Variants in AFAP1L2 observed in about 807,000 individuals in gnomAD.
AFAP1L2 encodes the protein actin filament-associated protein 1-like 2.
Under a neutral mutation model 99.3 loss-of-function variants are expected in AFAP1L2, and 46 were observed. The observed-to-expected ratio is 0.46, with a 90% CI of 0.37 to 0.59. The LOEUF (loss-of-function observed/expected upper bound fraction) is 0.59, where lower values mean the gene tolerates loss of function less well. Ranked by LOEUF, AFAP1L2 falls within the 20% of genes least tolerant of loss-of-function variation. The probability of loss-of-function intolerance (pLI) is 0.00; values close to 1 mark genes in which losing one functional copy is unlikely to be tolerated. For synonymous variants in AFAP1L2, 397 were observed against 419.1 expected (o/e 0.95, Z 0.64); for missense variants, 959 against 1,034.9 (o/e 0.93, Z 1.01).
Position 114,331,908 on chromosome 10 carries a change from CA to C in AFAP1L2, c.221-12del. On this transcript the variant is annotated splice_polypyrimidine_tract_variant and intron_variant, in intron 3 of 18. Coordinates refer to ENST00000304129, the MANE Select transcript of AFAP1L2 (RefSeq NM_001001936.3). ...CCTGCTCCTCAGGCGCTGCGGGCAGCAAAAGGAAAAGGCTTCGGTGAGGGGT... is the reference window on the plus strand; with the variant it reads ...CCTGCTCCTCAGGCGCTGCGGGCAGCAAAGGAAAAGGCTTCGGTGAGGGGT... 1 of 1,291,408 alleles carries C rather than the reference CA, an allele frequency of 7.7e-7. No homozygotes were observed. Among genetic ancestry groups the C allele is most frequent in the Non-Finnish European group, 9.9e-7 (1 of 1,010,366 alleles). The allele number at this position is 1,291,408 out of a possible 1,614,324, so 80.0% of individuals were successfully genotyped here.
rs1040538542 is a variant in AFAP1L2 at position 114,323,095 on chromosome 10, C to T, written c.406+76G>A. 3 of 1,336,262 alleles carry T rather than the reference C, an allele frequency of 2.2e-6. No individual in the cohort carries two copies. In the African/African-American group the frequency reaches 4.4e-5, roughly 19 times the overall value. 82.8% of individuals were successfully genotyped at this position (1,336,262 alleles called of 1,614,324 possible). On this transcript the variant is annotated intron_variant, in intron 5 of 18. Coordinates refer to ENST00000304129, the MANE Select transcript of AFAP1L2 (RefSeq NM_001001936.3). ...AGCCCAGGATGAGTGTATCTGTTAC[C>T]CCCAGGTAAGTCTGCACCAACATCT... is the stretch of plus-strand genomic sequence containing the variant.
chr10:114,341,250 T>C (rs1310237964), intron 1 of AFAP1L2, among the ~76,000 whole-genome samples: 1 of 152,230 alleles, frequency 6.6e-6, no homozygotes, highest in Non-Finnish European at 1.5e-5. Flanking sequence ...GCTCTATGGT[T>C]GTAAGCCTCG....
chr10:114,289,702 A>G, the AFAP1L2 span: 2 of 596,264 alleles, frequency 3.4e-6, no homozygotes, highest in South Asian at 4.0e-5. Flanking sequence ...AAGTTTAACT[A>G]ACATAGATAA....
chr10:114,370,492 A>T (rs1278555668), intron 1 of AFAP1L2, among the ~76,000 whole-genome samples: 1 of 152,250 alleles, frequency 6.6e-6, no homozygotes, highest in Non-Finnish European at 1.5e-5. Flanking sequence ...TCCTAGGCTC[A>T]GGACAAAATG....
chr10:114,404,694 C>T (rs1239165875), upstream of AFAP1L2: 1 of 441,206 alleles, frequency 2.3e-6, no homozygotes, highest in Non-Finnish European at 3.6e-6. Flanking sequence ...CCGAGGCTGA[C>T]AGTCGGCTCT....
the AFAP1L2 span, among the ~76,000 whole-genome samples, chr10:114,285,158 GT>G: frequency 6.6e-6 from 1 of 152,218 alleles, no homozygotes; most frequent in Non-Finnish European, 1.5e-5. Flanking sequence ...GATAATTGGG[GT>G]GGCTGAGCTC....
chr10:114,394,451 T>A (rs1039823731), intron 1 of AFAP1L2, among the ~76,000 whole-genome samples: 11 of 43,056 alleles, frequency 2.6e-4, no homozygotes, highest in Non-Finnish European at 4.4e-4. Flanking sequence ...CAGGAGAGAG[T>A]TGGGAGGGTC....
At chr10:114,340,761 G>A (rs766672591) in intron 1 of AFAP1L2, 30 bp from the exon 2 acceptor site, 1 of 1,614,068 alleles carries the variant, frequency 6.2e-7, no homozygotes, top group Admixed American at 1.7e-5. Context: ...GAAACTTATA[G>A]TGGCTGCCCG....
At chr10:114,395,005 A>T (rs982488586) in intron 1 of AFAP1L2, among the ~76,000 whole-genome samples, 2 of 152,112 alleles carry the variant, frequency 1.3e-5, no homozygotes, top group African/African-American at 4.8e-5. Context: ...CGGTAACATC[A>T]ACGGTAGGGA....
chr10:114,363,264 T>C (rs933954005), intron 1 of AFAP1L2: 3 of 790,264 alleles, frequency 3.8e-6, no homozygotes, highest in Non-Finnish European at 4.6e-6. Context: ...CCCACCGGCT[T>C]CTTTACCGTA....
At chr10:114,306,988 A>C (rs2042553568) in intron 10 of AFAP1L2, among the ~76,000 whole-genome samples, 1 of 151,950 alleles carries the variant, frequency 6.6e-6, no homozygotes, top group South Asian at 2.1e-4. Flanking sequence ...GGGACTCAGG[A>C]AGGGAACCCA....
At chr10:114,361,189 C>T (rs1462212018) in intron 1 of AFAP1L2, among the ~76,000 whole-genome samples, 3 of 152,126 alleles carry the variant, frequency 2.0e-5, no homozygotes, top group Non-Finnish European at 4.4e-5. Context: ...AATTACCTCC[C>T]ACCAGGTCCC....
intron 1 of AFAP1L2, among the ~76,000 whole-genome samples, chr10:114,370,881 T>C (rs920262649): frequency 1.3e-5 from 2 of 152,172 alleles, no homozygotes; most frequent in African/African-American, 4.8e-5. Flanking sequence ...TCCTTATTTT[T>C]CCCCACTTTT....
At chr10:114,378,992 G>A (rs1311913705) in intron 1 of AFAP1L2, among the ~76,000 whole-genome samples, 3 of 152,108 alleles carry the variant, frequency 2.0e-5, no homozygotes, top group Non-Finnish European at 4.4e-5. Context: ...CGGGCAGATC[G>A]CCTGAGGTCA....
intron 8 of AFAP1L2, 99 bp downstream of exon 8, chr10:114,310,255 G>C: frequency 8.2e-7 from 1 of 1,225,040 alleles, no homozygotes; most frequent in Admixed American, 2.3e-5. Flanking sequence ...CTTATTAATT[G>C]GACTGAAATA....
chr10:114,343,644 G>A (rs2049102825), intron 1 of AFAP1L2, among the ~76,000 whole-genome samples: 1 of 152,180 alleles, frequency 6.6e-6, no homozygotes, highest in African/African-American at 2.4e-5. Context: ...AAAGAGCATG[G>A]GTCACAGGAG....
At chr10:114,381,870 T>TACACAC (rs10667879) in intron 1 of AFAP1L2, among the ~76,000 whole-genome samples, 3 of 150,398 alleles carry the variant, frequency 2.0e-5, no homozygotes, top group East Asian at 3.9e-4. Context: ...GAAGAGAGTG[T>TACACAC]ACACACACAC....
At chr10:114,302,619 C>T in intron 11 of AFAP1L2, 135 bp from the exon 12 acceptor site, 1 of 1,085,646 alleles carries the variant, frequency 9.2e-7, no homozygotes, top group Non-Finnish European at 1.3e-6. Context: ...CGGGGCTGTG[C>T]TTCTCCTGTT....
chr10:114,363,724 T>C (rs2052781271), intron 1 of AFAP1L2, among the ~76,000 whole-genome samples: 1 of 152,194 alleles, frequency 6.6e-6, no homozygotes, highest in African/African-American at 2.4e-5. Flanking sequence ...ATCAGTCCAT[T>C]TGGCTTCTGT....
Sources: gnomAD v4.1 joint callset for allele counts (sites outside exome capture counted in the v4.1 genomes callset) on GRCh38, gnomAD v4.1.1 for gene constraint, MANE v1.5 for transcripts, NCBI Gene and HGNC (gene_info 2026-07-23, HGNC 2026-07-21) for gene names.